CDH22: variants seen among roughly 807,000 people sequenced by gnomAD.
CDH22 encodes cadherin-22.
Under a neutral mutation model 58.4 loss-of-function variants are expected in CDH22, and 30 were observed. That is an observed-to-expected ratio of 0.51 (90% CI 0.38 to 0.70). The LOEUF is 0.70. Among genes scored for constraint, CDH22 ranks in the 30% least tolerant of loss-of-function variants. The pLI is 0.00. For synonymous variants in CDH22, 513 were observed against 558.2 expected, an observed-to-expected ratio of 0.92 and a Z score of 1.14; for missense variants, 1,014 against 1,233.9, an observed-to-expected ratio of 0.82 and a Z score of 2.67.
At position 46,251,498 on chromosome 20, in the gene CDH22, G is replaced by A; in HGVS notation, c.-204C>T. Reference sequence around the variant, plus strand: ...GGGTACCCGGCTGGAGGGGGAGGGGGCGCGGCCGCATCCGGGGCATGGACA... The same window carrying A: ...GGGTACCCGGCTGGAGGGGGAGGGGACGCGGCCGCATCCGGGGCATGGACA... On this transcript the variant is annotated 5_prime_UTR_variant, in exon 2 of 12. Coordinates refer to ENST00000537909, the MANE Select transcript of CDH22 (RefSeq NM_021248.3). The surrounding 1 kb of genome is among the most constrained non-coding windows in gnomAD (Gnocchi z 6.7). The A allele has an allele frequency of 2.2e-6, 1 of 459,870 alleles. No individual in the cohort carries two copies. The highest frequency in any genetic ancestry group is 3.5e-6 in the Non-Finnish European group (1 of 289,410). The allele number at this position is 459,870 out of a possible 1,614,324, so 28.5% of individuals were successfully genotyped here.
At chr20:46,274,600 C>T (rs1432269233) in intron 1 of CDH22, among the ~76,000 whole-genome samples, 1 of 152,100 alleles carries the variant, frequency 6.6e-6, no homozygotes, top group Non-Finnish European at 1.5e-5. Context: ...GAAATGAAAA[C>T]ATATGTCCAC....
intron 11 of CDH22, 78 bp downstream of exon 11, chr20:46,177,868 G>A: frequency 6.5e-7 from 1 of 1,549,594 alleles, no homozygotes; most frequent in East Asian, 2.3e-5. Context: ...AGGCCCCATG[G>A]GGGCTGGTTA....
intron 6 of CDH22, 79 bp downstream of exon 6, chr20:46,212,916 G>A: frequency 1.7e-6 from 2 of 1,162,960 alleles, no homozygotes; most frequent in Non-Finnish European, 2.5e-6. Flanking sequence ...TGAGGTGGGG[G>A]TATTCGGCTG....
intron 3 of CDH22, among the ~76,000 whole-genome samples, chr20:46,236,196 C>G (rs139859308): frequency 1.3e-5 from 2 of 152,036 alleles, no homozygotes; most frequent in Non-Finnish European, 2.9e-5. Context: ...GCAGACATTT[C>G]TAACAGCCCA....
intron 8 of CDH22, among the ~76,000 whole-genome samples, chr20:46,197,246 C>T (rs572107075): frequency 4.2e-4 from 64 of 151,450 alleles, no homozygotes; most frequent in Non-Finnish European, 6.3e-4. Flanking sequence ...GCTAATCATG[C>T]TACTGATGAT....
At chr20:46,285,206 T>C (rs1226384548) in intron 1 of CDH22, among the ~76,000 whole-genome samples, 1 of 152,242 alleles carries the variant, frequency 6.6e-6, no homozygotes, top group Non-Finnish European at 1.5e-5. Flanking sequence ...GCCTGGTGAT[T>C]GGCTCTGCCA....
At position 46,190,405 on chromosome 20, in the gene CDH22, G is replaced by T. The variant is rs548516480; in HGVS notation, c.1424-3458C>A. 1.8e-4 allele frequency among the ~76,000 whole-genome samples: 28 copies of T among 152,252 alleles called. No homozygotes were observed. The South Asian group carries it at 5.2e-3, about 28-fold the overall frequency. The stretch of plus-strand genomic sequence containing the variant: ...CGCTTGGTCCTGATACAATGTCAGG[G>T]GCCCTCCTGCTGCCTGGTCATTTGT... On this transcript the variant is annotated intron_variant, in intron 8 of 11. Transcript: ENST00000537909.
intron 3 of CDH22, among the ~76,000 whole-genome samples, chr20:46,236,102 T>G (rs2086249469): frequency 6.6e-6 from 1 of 152,174 alleles, no homozygotes; most frequent in Non-Finnish European, 1.5e-5. Context: ...TGCTGTTCTC[T>G]CTGCCTGGAA....
At chr20:46,184,215 C>T (rs1254841155) in intron 10 of CDH22, among the ~76,000 whole-genome samples, 1 of 152,066 alleles carries the variant, frequency 6.6e-6, no homozygotes, top group East Asian at 1.9e-4. Flanking sequence ...TCTCCTGCCT[C>T]AGCCTCTGGA....
intron 1 of CDH22, among the ~76,000 whole-genome samples, chr20:46,253,910 G>A (rs1481358900): frequency 6.6e-6 from 1 of 152,176 alleles, no homozygotes; most frequent in Non-Finnish European, 1.5e-5. Context: ...ATCTGCCAGT[G>A]TTCACGGGCA....
chr20:46,298,480 G>A (rs922990352), intron 1 of CDH22, among the ~76,000 whole-genome samples: 4 of 152,176 alleles, frequency 2.6e-5, no homozygotes, highest in African/African-American at 9.7e-5. Flanking sequence ...GTAGTAAGAA[G>A]ACGGAAAGAA....
intron 8 of CDH22, among the ~76,000 whole-genome samples, chr20:46,189,919 A>G (rs1023867595): frequency 4.5e-4 from 69 of 151,772 alleles, no homozygotes; most frequent in Non-Finnish European, 8.2e-4. Context: ...AGCCTTTAAA[A>G]ACACCGATGC....
intron 1 of CDH22, among the ~76,000 whole-genome samples, chr20:46,284,851 G>A (rs117275787): frequency 0.052 from 7,952 of 152,178 alleles, 293 homozygotes; most frequent in Middle Eastern, 0.15. Flanking sequence ...GTCTCCTGCC[G>A]AGATAGTGCA....
intron 10 of CDH22, among the ~76,000 whole-genome samples, chr20:46,182,493 G>A (rs528033991): frequency 6.6e-6 from 1 of 152,324 alleles, no homozygotes; most frequent in African/African-American, 2.4e-5. Context: ...GCAAGAAGAG[G>A]GATGTTTGTC....
At chr20:46,279,542 G>A (rs1245868191) in intron 1 of CDH22, among the ~76,000 whole-genome samples, 6 of 152,226 alleles carry the variant, frequency 3.9e-5, no homozygotes, top group Non-Finnish European at 7.3e-5. Flanking sequence ...TGATACATCA[G>A]TATGAATCCA....
intron 1 of CDH22, among the ~76,000 whole-genome samples, chr20:46,299,425 C>T (rs1256030397): frequency 6.6e-6 from 1 of 152,196 alleles, no homozygotes; most frequent in Non-Finnish European, 1.5e-5. Context: ...GCCCAGCTGG[C>T]TAATAGGGTC....
At chr20:46,218,619 C>T (rs1308491112) in intron 4 of CDH22, among the ~76,000 whole-genome samples, 1 of 149,888 alleles carries the variant, frequency 6.7e-6, no homozygotes, top group Non-Finnish European at 1.5e-5. Flanking sequence ...CCCCCTCCCA[C>T]AACCAAATTA....
chr20:46,277,091 C>T (rs1188205257), intron 1 of CDH22, among the ~76,000 whole-genome samples: 1 of 151,322 alleles, frequency 6.6e-6, no homozygotes, highest in Admixed American at 6.6e-5. Flanking sequence ...GAGTTTGAGA[C>T]CAGCCTAGGC....
At chr20:46,203,215 A>T (rs949165440) in intron 7 of CDH22, among the ~76,000 whole-genome samples, 1 of 148,080 alleles carries the variant, frequency 6.8e-6, no homozygotes, top group Middle Eastern at 3.5e-3. Flanking sequence ...GGCTGAGCCC[A>T]GGTGTTTTTA....
Sources: gnomAD v4.1 joint callset for allele counts (sites outside exome capture counted in the v4.1 genomes callset) on GRCh38, gnomAD v4.1.1 for gene constraint, Gnocchi (gnomAD v3.1) non-coding constraint, MANE v1.5 for transcripts, NCBI Gene and HGNC (gene_info 2026-07-23, HGNC 2026-07-21) for gene names.